Variants in MCU observed in about 807,000 individuals in gnomAD.
MCU encodes calcium uniporter protein, mitochondrial.
Under a neutral mutation model 45.2 loss-of-function variants are expected in MCU, and 12 were observed. The observed-to-expected ratio is 0.27, with a 90% CI of 0.17 to 0.43. The LOEUF (loss-of-function observed/expected upper bound fraction) is 0.43, where lower values mean the gene tolerates loss of function less well. Among genes scored for constraint, MCU ranks in the 20% least tolerant of loss-of-function variants. The pLI is 1.00. For missense variants in MCU, 324 were observed against 436.7 expected, an observed-to-expected ratio of 0.74 and a Z score of 2.30; for synonymous variants, 160 against 165.1, an observed-to-expected ratio of 0.97 and a Z score of 0.24.
chr10:72,731,274 G>A (rs907228020), intron 1 of MCU: 3 of 152,158 alleles, frequency 2.0e-5, no homozygotes, highest in African/African-American at 7.2e-5. Flanking sequence ...TTAAGGATGT[G>A]TAGAGATCAA....
chr10:72,776,035 G>GC (rs545112500), intron 1 of MCU, among the ~76,000 whole-genome samples: 75 of 151,970 alleles, frequency 4.9e-4, no homozygotes, highest in Non-Finnish European at 9.1e-4. Flanking sequence ...GGATTTGGTG[G>GC]CATGTGCCTG....
intron 2 of MCU, among the ~76,000 whole-genome samples, chr10:72,840,669 C>G (rs1022477788): frequency 6.6e-6 from 1 of 152,132 alleles, no homozygotes; most frequent in South Asian, 2.1e-4. Flanking sequence ...CACCAAAAAT[C>G]CAAAAATTAT....
At chr10:72,763,151 A>G (rs1430804142) in intron 1 of MCU, among the ~76,000 whole-genome samples, 1 of 152,170 alleles carries the variant, frequency 6.6e-6, no homozygotes, top group African/African-American at 2.4e-5. Context: ...GCCCACCTGG[A>G]TAATCCTGGG....
chr10:72,751,871 G>T (rs1843504776), intron 1 of MCU, among the ~76,000 whole-genome samples: 1 of 151,264 alleles, frequency 6.6e-6, no homozygotes, highest in Non-Finnish European at 1.5e-5. Context: ...ACAGAGTCTG[G>T]CTCTGTCGCC....
intron 1 of MCU, among the ~76,000 whole-genome samples, chr10:72,719,439 C>T (rs1004520757): frequency 3.3e-5 from 5 of 152,118 alleles, no homozygotes; most frequent in Non-Finnish European, 7.4e-5. Flanking sequence ...CAAGTCAAAA[C>T]GTTCAGGTAT....
chr10:72,754,644 G>T (rs143286338), intron 1 of MCU, among the ~76,000 whole-genome samples: 3 of 152,192 alleles, frequency 2.0e-5, no homozygotes, highest in Non-Finnish European at 4.4e-5. Flanking sequence ...CACTTTGGGA[G>T]GCAGAGACAG....
At chr10:72,879,767 C>T (rs866349382) in intron 6 of MCU, among the ~76,000 whole-genome samples, 82 of 152,154 alleles carry the variant, frequency 5.4e-4, no homozygotes, top group African/African-American at 1.1e-3. Context: ...AACAACAGGC[C>T]GGGCTAAGTA....
At chr10:72,871,635 CAAAA>C (rs1845544644) in intron 6 of MCU, 55 bp downstream of exon 6, 1 of 1,465,556 alleles carries the variant, frequency 6.8e-7, no homozygotes, top group Non-Finnish European at 9.5e-7. Context: ...TTTTGATTGT[CAAAA>C]GAGTTCTTTT....
At chr10:72,819,580 C>T (rs1414880992) in intron 1 of MCU, among the ~76,000 whole-genome samples, 1 of 152,094 alleles carries the variant, frequency 6.6e-6, no homozygotes, top group East Asian at 1.9e-4. Context: ...TGTAATAACT[C>T]ATCAACCTTA....
intron 2 of MCU, among the ~76,000 whole-genome samples, chr10:72,849,661 T>C (rs1347752451): frequency 6.6e-6 from 1 of 152,088 alleles, no homozygotes; most frequent in African/African-American, 2.4e-5. Flanking sequence ...GAATAGCTTA[T>C]GAGGGGAAAT....
intron 1 of MCU, among the ~76,000 whole-genome samples, chr10:72,813,763 C>T (rs750496004): frequency 1.3e-5 from 2 of 151,954 alleles, no homozygotes; most frequent in Non-Finnish European, 2.9e-5. Flanking sequence ...CCAGCAAATA[C>T]CATCTCTCTT....
Position 72,876,983 on chromosome 10 carries a change from A to G in MCU, c.861+5403A>G, listed in dbSNP as rs182783157. 2.0e-5 allele frequency among the ~76,000 whole-genome samples: 3 copies of G among 149,536 alleles called. No individual in the cohort carries two copies. The Admixed American group carries it at 2.0e-4, about 10-fold the overall frequency. On this transcript the variant is annotated intron_variant, in intron 6 of 7. Coordinates refer to ENST00000373053, the MANE Select transcript of MCU (RefSeq NM_138357.3). ...GTCTCCTAGGCTAGAATGCAGTGGC[A>G]TAATCACAGCTCACTGAAGCATCTA...
intron 1 of MCU, among the ~76,000 whole-genome samples, chr10:72,723,084 A>C (rs932935974): frequency 3.3e-5 from 5 of 152,036 alleles, no homozygotes; most frequent in African/African-American, 9.7e-5. Context: ...TAGTCCCAGC[A>C]ACTTGGGAGG....
At chr10:72,846,434 C>A (rs1845124257) in intron 2 of MCU, among the ~76,000 whole-genome samples, 1 of 152,124 alleles carries the variant, frequency 6.6e-6, no homozygotes, top group African/African-American at 2.4e-5. Flanking sequence ...GTGAATCATC[C>A]CTTTGTTCCG....
At chr10:72,756,309 C>T (rs936743720) in intron 1 of MCU, 1 of 152,066 alleles carries the variant, frequency 6.6e-6, no homozygotes, top group African/African-American at 2.4e-5. Flanking sequence ...TTTACATGGC[C>T]GTATGGTATT....
chr10:72,694,777 G>T (rs1842666048), intron 1 of MCU, among the ~76,000 whole-genome samples: 1 of 152,170 alleles, frequency 6.6e-6, no homozygotes. Flanking sequence ...ACCAGTTACA[G>T]CACTGCCTAA....
At chr10:72,826,151 A>T (rs1481040511) in intron 1 of MCU, among the ~76,000 whole-genome samples, 1 of 152,106 alleles carries the variant, frequency 6.6e-6, no homozygotes, top group Non-Finnish European at 1.5e-5. Context: ...GCAGATTCTG[A>T]TTCAGTAAGT....
chr10:72,743,596 G>A (rs983848477), intron 1 of MCU, among the ~76,000 whole-genome samples: 1 of 151,794 alleles, frequency 6.6e-6, no homozygotes, highest in Admixed American at 6.6e-5. Context: ...TACATTTAAG[G>A]TGCTATGCAA....
intron 1 of MCU, among the ~76,000 whole-genome samples, chr10:72,748,725 T>TA (rs548511397): frequency 4.8e-4 from 71 of 147,392 alleles, no homozygotes; most frequent in African/African-American, 6.7e-4. Context: ...CTTCATTGTT[T>TA]AAAAAAAAAA....
Sources: allele counts gnomAD v4.1 joint callset (sites outside exome capture counted in the v4.1 genomes callset), GRCh38; gene constraint gnomAD v4.1.1; transcripts MANE v1.5; gene names NCBI Gene and HGNC (gene_info 2026-07-23, HGNC 2026-07-21).